The following NTRK3 variants were observed in gnomAD, a reference collection of about 807,000 sequenced individuals.
The protein encoded by NTRK3 is neurotrophic receptor tyrosine kinase 3.
Under a neutral mutation model 91.7 loss-of-function variants are expected in NTRK3, and 24 were observed. The observed-to-expected ratio is 0.26, with a 90% CI of 0.19 to 0.37. The LOEUF (loss-of-function observed/expected upper bound fraction) is 0.37. Ranked by LOEUF, NTRK3 falls within the 10% of genes least tolerant of loss-of-function variation. NTRK3 has a pLI of 1.00. For synonymous variants in NTRK3, 483 were observed against 404.0 expected (o/e 1.20, Z -2.34); for missense variants, 880 against 1,068.9 (o/e 0.82, Z 2.46).
chr15:88,146,602 C>T (rs527876683), intron 6 of NTRK3, among the ~76,000 whole-genome samples: 21 of 152,286 alleles, frequency 1.4e-4, no homozygotes, highest in Non-Finnish European at 2.5e-4. Context: ...GCAGTGGTCA[C>T]GAATGTTCAC....
At chr15:87,914,914 T>C (rs1464393552) in intron 17 of NTRK3, among the ~76,000 whole-genome samples, 31 of 152,220 alleles carry the variant, frequency 2.0e-4, no homozygotes, top group Admixed American at 2.0e-3. Context: ...ATGGATTCAA[T>C]TTATTTTTCC....
At chr15:88,005,562 T>C (rs1288090523) in intron 14 of NTRK3, among the ~76,000 whole-genome samples, 1 of 152,144 alleles carries the variant, frequency 6.6e-6, no homozygotes, top group African/African-American at 2.4e-5. Flanking sequence ...ATAACTGCCT[T>C]GACTTGTCTC....
chr15:88,132,987 G>A (rs1263277951), intron 10 of NTRK3, among the ~76,000 whole-genome samples: 2 of 152,172 alleles, frequency 1.3e-5, no homozygotes, highest in Non-Finnish European at 2.9e-5. Flanking sequence ...CAGGGTAGTA[G>A]ATTGCAAAGG....
Position 88,061,182 on chromosome 15 carries a change from GA to G in NTRK3, c.1397-28138del, listed in dbSNP as rs199728228. On this transcript the variant is annotated intron_variant, in intron 13 of 18. Transcript: ENST00000394480. ...TCAGCTTACCCCCAACCAACTAAAA[GA>G]AAAAAAACAATAATTCATTAGAGAT... is the stretch of plus-strand genomic sequence containing the variant. Among the ~76,000 whole-genome samples the G allele has an allele frequency of 5.8e-3, 879 of 150,714 alleles. 10 individuals carry two copies. Among genetic ancestry groups the G allele is most frequent in the Middle Eastern group, 0.041 (12 of 294 alleles).
At chr15:87,903,504 G>T (rs767202393) in intron 17 of NTRK3, among the ~76,000 whole-genome samples, 2 of 152,106 alleles carry the variant, frequency 1.3e-5, no homozygotes, top group Non-Finnish European at 2.9e-5. Context: ...CTGTTCTAGG[G>T]GCTTGCTCTG....
intron 4 of NTRK3, among the ~76,000 whole-genome samples, chr15:88,183,916 G>C (rs1228430028): frequency 6.6e-6 from 1 of 152,170 alleles, no homozygotes; most frequent in Admixed American, 6.5e-5. Context: ...TCAAGCATAA[G>C]GGTAGGGAAA....
At chr15:88,225,026 T>A (rs914670105) in intron 3 of NTRK3, among the ~76,000 whole-genome samples, 5 of 152,192 alleles carry the variant, frequency 3.3e-5, no homozygotes, top group Non-Finnish European at 5.9e-5. Flanking sequence ...TTTCCCTTAG[T>A]AGTTAGTGAA....
intron 18 of NTRK3, 66 bp downstream of exon 19, chr15:87,880,204 G>C (rs2141464178): frequency 6.2e-7 from 1 of 1,603,814 alleles, no homozygotes; most frequent in Non-Finnish European, 8.5e-7. Context: ...GTAGGTCCAA[G>C]TTCTGGGCTG....
chr15:88,220,111 T>A (rs191232336), intron 3 of NTRK3, among the ~76,000 whole-genome samples: 1 of 152,036 alleles, frequency 6.6e-6, no homozygotes, highest in Non-Finnish European at 1.5e-5. Flanking sequence ...GACTAAAATA[T>A]AATAAGATAA....
intron 5 of NTRK3, among the ~76,000 whole-genome samples, chr15:88,157,958 A>T (rs2044074292): frequency 6.6e-6 from 1 of 152,116 alleles, no homozygotes; most frequent in East Asian, 1.9e-4. Context: ...TACAGGAGTG[A>T]CTTCTGATCC....
chr15:88,016,608 T>C (rs2077247926), intron 14 of NTRK3, among the ~76,000 whole-genome samples: 1 of 152,360 alleles, frequency 6.6e-6, no homozygotes, highest in Middle Eastern at 3.4e-3. Context: ...ATTCAATGCC[T>C]CTCACCATTT....
At chr15:88,096,057 A>G (rs1441272988) in intron 13 of NTRK3, among the ~76,000 whole-genome samples, 1 of 152,144 alleles carries the variant, frequency 6.6e-6, no homozygotes, top group African/African-American at 2.4e-5. Flanking sequence ...TGGGAAAATA[A>G]TTTTAGGTGG....
At chr15:88,088,658 AT>A (rs1472230619) in intron 13 of NTRK3, among the ~76,000 whole-genome samples, 1 of 152,218 alleles carries the variant, frequency 6.6e-6, no homozygotes, top group Non-Finnish European at 1.5e-5. Flanking sequence ...GGTAACAATT[AT>A]TTTTAAAGCT....
intron 13 of NTRK3, among the ~76,000 whole-genome samples, chr15:88,125,262 G>C (rs1478235629): frequency 6.6e-6 from 1 of 152,202 alleles, no homozygotes; most frequent in Non-Finnish European, 1.5e-5. Context: ...TCCAACATTT[G>C]CATACAACTC....
Position 87,964,448 on chromosome 15 carries a change from A to G in NTRK3, c.1586-23695T>C, listed in dbSNP as rs768426707. On this transcript the variant is annotated intron_variant, in intron 14 of 18. Coordinates refer to ENST00000394480, the Ensembl canonical transcript of NTRK3. Reference sequence around the variant, plus strand: ...TTCATACATGCAAACTTTATTTTACATATTTATTATATAACTTATTTTGTA... The same window carrying G: ...TTCATACATGCAAACTTTATTTTACGTATTTATTATATAACTTATTTTGTA... 9.3e-4 allele frequency among the ~76,000 whole-genome samples: 141 copies of G among 151,564 alleles called. 1 individual carries two copies. The highest frequency in any genetic ancestry group is 8.0e-4 in the Non-Finnish European group (54 of 67,890).
chr15:88,035,347 T>G (rs2078980368), intron 13 of NTRK3, among the ~76,000 whole-genome samples: 2 of 152,162 alleles, frequency 1.3e-5, no homozygotes, highest in South Asian at 4.2e-4. Flanking sequence ...CCAGAGACAT[T>G]GAACTCAGAA....
chr15:88,132,425 T>G (rs775728308), intron 10 of NTRK3, among the ~76,000 whole-genome samples: 2 of 152,192 alleles, frequency 1.3e-5, no homozygotes, highest in South Asian at 2.1e-4. Context: ...GAAGTGATTG[T>G]CCTCCATCTA....
At chr15:87,867,334 G>T (rs2064711707) in exon 19 of NTRK3, 1 of 227,702 alleles carries the variant, frequency 4.4e-6, no homozygotes, top group African/African-American at 2.2e-5. Context: ...GGCCTTAAAG[G>T]GTGGGGTGGG....
At position 88,147,353 on chromosome 15, in the gene NTRK3, G is replaced by C. The variant is rs368222977; in HGVS notation, c.446C>G (p.Thr149Arg). 4 of 1,613,546 alleles carry C rather than the reference G, an allele frequency of 2.5e-6. No homozygotes were observed. The Admixed American group carries it at 5.0e-5, about 20-fold the overall frequency. The change falls in exon 6 of 19, where the codon ACG becomes AGG. Residue 149 changes from threonine (T) to arginine (R), a missense_variant. By Grantham distance (71) the Thr-to-Arg change is moderately conservative. Transcript: ENST00000394480. The stretch of plus-strand genomic sequence containing the variant: ...AACTTACAATTCCCGAAGACTCAGC[G>C]TCTGGAAGAGCTGCCACGAGAGTGT...
Sources: gnomAD v4.1 joint callset for allele counts (sites outside exome capture counted in the v4.1 genomes callset) on GRCh38, gnomAD v4.1.1 for gene constraint, MANE v1.5 for transcripts, NCBI Gene and HGNC (gene_info 2026-07-23, HGNC 2026-07-21) for gene names.